ULK2: variants seen among roughly 807,000 people sequenced by gnomAD.
ULK2 encodes serine/threonine-protein kinase ULK2.
ULK2 carries 76 observed loss-of-function variants against 127.5 expected under a neutral mutation model. The observed-to-expected ratio is 0.60, with a 90% CI of 0.50 to 0.72. The LOEUF is 0.72. Ranked by LOEUF, ULK2 falls within the 30% of genes least tolerant of loss-of-function variation. The pLI, the probability that ULK2 is intolerant of heterozygous loss-of-function variation, is 0.00. For missense variants in ULK2, 1,144 were observed against 1,295.9 expected (o/e 0.88, Z 1.80); for synonymous variants, 452 against 461.9 (o/e 0.98, Z 0.28).
intron 9 of ULK2, chr17:19,840,097 C>T (rs1346129832): frequency 2.0e-5 from 7 of 353,186 alleles, no homozygotes; most frequent in South Asian, 2.3e-5. Context: ...CATACAGTGG[C>T]AGGTGCAGTT....
intron 10 of ULK2, among the ~76,000 whole-genome samples, chr17:19,837,004 T>C (rs914001060): frequency 2.6e-5 from 4 of 152,032 alleles, no homozygotes; most frequent in African/African-American, 4.8e-5. Context: ...GAGAATCACT[T>C]GCACCCAGGA....
At position 19,829,499 on chromosome 17, in the gene ULK2, C is replaced by T. The variant is rs370107857; in HGVS notation, c.788-3313G>A. Among the ~76,000 whole-genome samples, 202 of 137,316 alleles carry T rather than the reference C, an allele frequency of 1.5e-3. 1 individual carries two copies. Among genetic ancestry groups the T allele is most frequent in the African/African-American group, 5.3e-3 (193 of 36,250 alleles). The allele number at this position is 137,316 out of a possible 152,430, so 90.1% of individuals were successfully genotyped here. ...TTTCAGTGAGCCAAGACTGCACCACCGCACTCCAGACTAGGTGACAGGATG... is the reference window on the plus strand; with the variant it reads ...TTTCAGTGAGCCAAGACTGCACCACTGCACTCCAGACTAGGTGACAGGATG... On this transcript the variant is annotated intron_variant, in intron 10 of 26. Coordinates refer to ENST00000395544, the MANE Select transcript of ULK2 (RefSeq NM_014683.4).
intron 3 of ULK2, among the ~76,000 whole-genome samples, chr17:19,851,856 G>C (rs1454684400): frequency 1.3e-5 from 2 of 151,678 alleles, no homozygotes; most frequent in African/African-American, 4.8e-5. Flanking sequence ...GACTAGCCTG[G>C]CCAATATGGT....
Position 19,837,099 on chromosome 17 carries a change from G to GA in ULK2, c.787+1401dup, listed in dbSNP as rs199633631. ...GAGTGAGGCCTTTTCTCTAATAAAA[G>GA]AAAAAAAAAAAACAAAAGAATCTAT... On this transcript the variant is annotated intron_variant, in intron 10 of 26. Transcript: ENST00000395544. Among the ~76,000 whole-genome samples the GA allele has an allele frequency of 6.6e-3, 867 of 131,384 alleles. 4 individuals are homozygous for GA. The highest frequency in any genetic ancestry group is 9.2e-3 in the African/African-American group (331 of 36,058). 86.2% of individuals were successfully genotyped at this position (131,384 alleles called of 152,430 possible).
At chr17:19,779,059 A>C (rs187573059) in intron 25 of ULK2, among the ~76,000 whole-genome samples, 3 of 152,310 alleles carry the variant, frequency 2.0e-5, no homozygotes. Context: ...TATTCATCTC[A>C]ATAGTTTACA....
chr17:19,848,643 G>C (rs2041949357), intron 5 of ULK2, among the ~76,000 whole-genome samples: 2 of 152,084 alleles, frequency 1.3e-5, no homozygotes, highest in African/African-American at 2.4e-5. Context: ...TGTGTGTGGA[G>C]GTATGCACCT....
At chr17:19,826,956 C>CA (rs757947424) in intron 10 of ULK2, among the ~76,000 whole-genome samples, 3,316 of 87,334 alleles carry the variant, frequency 0.038, 118 homozygotes, top group African/African-American at 0.12. Context: ...GACTCCGTCT[C>CA]AAAAAAAAAA....
intron 3 of ULK2, among the ~76,000 whole-genome samples, chr17:19,849,992 G>C (rs2041977106): frequency 6.6e-6 from 1 of 152,074 alleles, no homozygotes; most frequent in South Asian, 2.1e-4. Context: ...TAGTCATCAA[G>C]AAGTAAAATT....
rs770235084 is a variant in ULK2, at chr17:19,782,052, T to C, written c.2476A>G (p.Thr826Ala). 6.2e-7 allele frequency: 1 copy of C among 1,613,562 alleles called. No individual in the cohort carries two copies. Among genetic ancestry groups the C allele is most frequent in the Middle Eastern group, 1.7e-4 (1 of 6,058 alleles). Residue 826 changes from threonine (T) to alanine (A), a missense_variant, in exon 23 of 27, where the codon ACC (threonine) becomes GCC (alanine). Physicochemically the swap from Thr to Ala is moderately conservative, Grantham distance 58. Transcript: ENST00000395544. ...ETLMEREHTD[T>A]LRHLNVMLMF... ...AGCATCACATTCAGATGGCGTAAGGTGTCTGTGTGTTCCCGCTGCAGCAAA... is the reference window on the plus strand; with the variant it reads ...AGCATCACATTCAGATGGCGTAAGGCGTCTGTGTGTTCCCGCTGCAGCAAA...
At chr17:19,839,673 A>AG (rs1460989323) in intron 9 of ULK2, among the ~76,000 whole-genome samples, 165 of 151,922 alleles carry the variant, frequency 1.1e-3, no homozygotes, top group African/African-American at 3.7e-3. Flanking sequence ...AAAAAAAAAA[A>AG]AAAGAAAGAA....
At chr17:19,822,955 G>C (rs1385266967) in intron 12 of ULK2, among the ~76,000 whole-genome samples, 1 of 151,326 alleles carries the variant, frequency 6.6e-6, no homozygotes, top group Non-Finnish European at 1.5e-5. Flanking sequence ...CAAAGTGCTA[G>C]GATTACAGGC....
intron 25 of ULK2, among the ~76,000 whole-genome samples, chr17:19,780,187 A>AG (rs1198791115): frequency 5.9e-5 from 9 of 151,860 alleles, no homozygotes; most frequent in Non-Finnish European, 1.2e-4. Context: ...AAAAAAAAAA[A>AG]GAAAAAAAAA....
chr17:19,815,951 T>C (rs1218911020), intron 13 of ULK2, among the ~76,000 whole-genome samples: 2 of 152,230 alleles, frequency 1.3e-5, no homozygotes, highest in South Asian at 2.1e-4. Flanking sequence ...GGTTATAAAC[T>C]GCCATGGCAC....
At chr17:19,830,199 A>G (rs2041402946) in intron 10 of ULK2, among the ~76,000 whole-genome samples, 1 of 152,010 alleles carries the variant, frequency 6.6e-6, no homozygotes, top group African/African-American at 2.4e-5. Context: ...ACAAGTCTTA[A>G]TAATTTTTTT....
intron 7 of ULK2, among the ~76,000 whole-genome samples, chr17:19,843,943 C>T (rs1261182931): frequency 1.3e-5 from 2 of 152,082 alleles, no homozygotes; most frequent in African/African-American, 4.8e-5. Context: ...CAGGCATGAG[C>T]CCCTGCGCCT....
chr17:19,858,842 C>T (rs1265545191), intron 3 of ULK2, among the ~76,000 whole-genome samples: 2 of 151,930 alleles, frequency 1.3e-5, no homozygotes, highest in South Asian at 2.1e-4. Context: ...TGGTGGTGGG[C>T]GCCTGTAATC....
chr17:19,836,879 T>C (rs1290760369), intron 10 of ULK2, among the ~76,000 whole-genome samples: 1 of 152,146 alleles, frequency 6.6e-6, no homozygotes, highest in African/African-American at 2.4e-5. Context: ...CACTCCAGCC[T>C]GGGCGACAGA....
intron 1 of ULK2, among the ~76,000 whole-genome samples, chr17:19,866,286 G>A (rs2042349316): frequency 6.6e-6 from 1 of 151,932 alleles, no homozygotes; most frequent in Admixed American, 6.6e-5. Flanking sequence ...GATCACCTGA[G>A]GTCAGGAGTT....
chr17:19,826,275 G>A (rs2041294885), intron 10 of ULK2, 89 bp from the exon 11 acceptor site: 1 of 736,132 alleles, frequency 1.4e-6, no homozygotes, highest in Non-Finnish European at 2.1e-6. Flanking sequence ...TCAATATAAT[G>A]TCTTTGAGAT....
Sources: gnomAD v4.1 joint callset for allele counts (sites outside exome capture counted in the v4.1 genomes callset) on GRCh38, gnomAD v4.1.1 for gene constraint, MANE v1.5 for transcripts, NCBI Gene and HGNC (gene_info 2026-07-23, HGNC 2026-07-21) for gene names.